The following SLMAP variants were observed in gnomAD, a reference collection of about 807,000 sequenced individuals.
SLMAP encodes the protein sarcolemma associated protein.
Under a neutral mutation model 128.8 loss-of-function variants are expected in SLMAP, and 44 were observed. That is an observed-to-expected ratio of 0.34 (90% CI 0.27 to 0.44). The LOEUF is 0.44. Among genes scored for constraint, SLMAP ranks in the 20% least tolerant of loss-of-function variants. SLMAP has a pLI of 1.00. For missense variants in SLMAP, 787 were observed against 985.3 expected (o/e 0.80, Z 2.69); for synonymous variants, 327 against 348.8 (o/e 0.94, Z 0.70).
chr3:57,906,112 C>T (rs538220979), intron 17 of SLMAP, among the ~76,000 whole-genome samples: 2 of 149,042 alleles, frequency 1.3e-5, no homozygotes, highest in East Asian at 2.0e-4. Context: ...AAACAGGGGC[C>T]AGGACCTTTG....
Position 57,912,660 on chromosome 3 carries a change from A to G in SLMAP, c.1979A>G (p.Gln660Arg), listed in dbSNP as rs758441504. 6.2e-7 allele frequency: 1 copy of G among 1,613,974 alleles called. No individual in the cohort carries two copies. The highest frequency in any genetic ancestry group is 1.3e-5 in the African/African-American group (1 of 75,064). The change falls in exon 20 of 25, where the codon CAG becomes CGG. Residue 660 changes from glutamine to arginine, a missense_variant. By Grantham distance (43) the Gln-to-Arg change is conservative (BLOSUM62 1). Coordinates refer to ENST00000671191, the MANE Select transcript of SLMAP (RefSeq NM_001377540.1). ...LQNSFQLRCQ[Q>R]CEDQQREEAT... ...AACAGTTTTCAGCTTAGATGTCAAC[A>G]GTGTGAGGACCAGCAGAGAGAAGAA...
chr3:57,924,413 G>C (rs1373071490), intron 23 of SLMAP, among the ~76,000 whole-genome samples: 1 of 151,020 alleles, frequency 6.6e-6, no homozygotes, highest in Non-Finnish European at 1.5e-5. Context: ...TTGTTGCCCA[G>C]GCTGGAGTGC....
chr3:57,776,133 C>T (rs931321141), intron 2 of SLMAP, among the ~76,000 whole-genome samples: 4 of 152,094 alleles, frequency 2.6e-5, no homozygotes, highest in African/African-American at 9.7e-5. Context: ...AGTTGTTATT[C>T]CACTCACTTA....
intron 17 of SLMAP, among the ~76,000 whole-genome samples, chr3:57,902,667 A>G (rs1169887899): frequency 6.6e-6 from 1 of 152,180 alleles, no homozygotes; most frequent in Non-Finnish European, 1.5e-5. Context: ...CTGAGACATT[A>G]AATATGGGAG....
At chr3:57,781,421 T>C (rs2083041777) in intron 2 of SLMAP, among the ~76,000 whole-genome samples, 1 of 152,140 alleles carries the variant, frequency 6.6e-6, no homozygotes, top group African/African-American at 2.4e-5. Context: ...TATGGGAGAT[T>C]TTCTAAGATA....
At chr3:57,803,673 T>A (rs1233858810) in intron 2 of SLMAP, among the ~76,000 whole-genome samples, 1 of 152,212 alleles carries the variant, frequency 6.6e-6, no homozygotes, top group East Asian at 1.9e-4. Flanking sequence ...CTCTCCACTC[T>A]CTTTTTGTCT....
chr3:57,873,884 G>A (rs1291186639), intron 14 of SLMAP, among the ~76,000 whole-genome samples: 1 of 152,148 alleles, frequency 6.6e-6, no homozygotes, highest in Non-Finnish European at 1.5e-5. Flanking sequence ...ACTTTGGAAG[G>A]CTGAGGCGGG....
intron 14 of SLMAP, among the ~76,000 whole-genome samples, chr3:57,882,196 A>T (rs1356109875): frequency 6.6e-6 from 1 of 152,220 alleles, no homozygotes; most frequent in East Asian, 1.9e-4. Context: ...TTAATTAAAC[A>T]TGTATGTACC....
intron 4 of SLMAP, among the ~76,000 whole-genome samples, chr3:57,846,103 G>A (rs191740673): frequency 2.0e-5 from 3 of 152,274 alleles, no homozygotes; most frequent in Admixed American, 6.5e-5. Context: ...GCCTCCCAAA[G>A]TCCTGGGATT....
intron 2 of SLMAP, among the ~76,000 whole-genome samples, chr3:57,773,318 T>G (rs1447554183): frequency 6.6e-6 from 1 of 152,244 alleles, no homozygotes; most frequent in Non-Finnish European, 1.5e-5. Context: ...GTGTCATCAA[T>G]AGGTTCTTGG....
intron 2 of SLMAP, chr3:57,801,587 A>C (rs1470803601): frequency 6.6e-6 from 1 of 151,470 alleles, no homozygotes; most frequent in Non-Finnish European, 1.5e-5. Context: ...ATATTCATGG[A>C]TAGGCTGTAA....
At chr3:57,918,041 G>A (rs913867375) in intron 22 of SLMAP, 2 of 152,036 alleles carry the variant, frequency 1.3e-5, no homozygotes, top group Admixed American at 1.3e-4. Context: ...TTGTTCTTCT[G>A]TCTTCATGTT....
chr3:57,857,764 A>G lies in SLMAP; in HGVS notation c.551A>G (p.Gln184Arg). The G allele has an allele frequency of 6.2e-7, 1 of 1,613,892 alleles. No homozygotes were observed. The highest frequency in any genetic ancestry group is 8.5e-7 in the Non-Finnish European group (1 of 1,179,742). The change falls in exon 7 of 25, where the codon CAG (glutamine) becomes CGG (arginine). Residue 184 changes from glutamine (Q) to arginine (R), a missense_variant. Transcript: ENST00000671191. The stretch of plus-strand genomic sequence containing the variant: ...TTACATCGGGAACAAATGTTGGAAC[A>G]GAAGTTAGCCACGCTTCAGCGGCTA... Reference protein sequence around the residue: ...EALHREQMLEQKLATLQRLLA... With the variant: ...EALHREQMLERKLATLQRLLA...
chr3:57,776,506 TTCTCTC>T (rs397932536), intron 2 of SLMAP, among the ~76,000 whole-genome samples: 4 of 129,016 alleles, frequency 3.1e-5, no homozygotes, highest in Non-Finnish European at 4.8e-5. Context: ...GATTTGTCCC[TTCTCTC>T]TCTCTCTCTC....
intron 19 of SLMAP, among the ~76,000 whole-genome samples, chr3:57,911,336 T>C (rs969690357): frequency 8.5e-5 from 13 of 152,246 alleles, no homozygotes; most frequent in African/African-American, 3.1e-4. Context: ...TGTTTACTTA[T>C]GTAGCAACCT....
At chr3:57,861,823 TC>T in intron 9 of SLMAP, 125 bp from the exon 10 acceptor site, 1 of 744,500 alleles carries the variant, frequency 1.3e-6, no homozygotes, top group Non-Finnish European at 2.2e-6. Flanking sequence ...TTATTTAAAG[TC>T]CAGGGCAGAT....
chr3:57,917,868 T>C (rs2096844246), intron 22 of SLMAP: 1 of 152,228 alleles, frequency 6.6e-6, no homozygotes, highest in African/African-American at 2.4e-5. Flanking sequence ...ACCCCAGTTG[T>C]AGACTTTCTT....
chr3:57,821,279 T>G (rs1481951949), intron 2 of SLMAP, among the ~76,000 whole-genome samples: 1 of 152,146 alleles, frequency 6.6e-6, no homozygotes, highest in Non-Finnish European at 1.5e-5. Context: ...AAAGAAAGAT[T>G]TATTGTACAG....
Position 57,917,374 on chromosome 3 carries a change from C to T in SLMAP, c.2310+297C>T, listed in dbSNP as rs140199900. 166 of 503,674 alleles carry T rather than the reference C, an allele frequency of 3.3e-4. 2 individuals carry two copies. The East Asian group carries it at 8.7e-3, about 26-fold the overall frequency. 31.2% of individuals were successfully genotyped at this position (503,674 alleles called of 1,614,324 possible). On this transcript the variant is annotated intron_variant, in intron 22 of 24. Transcript: ENST00000671191. ...CCAGGTCTCTTGATCTATTGTTTAACTTTCAAAGAGAGTATCGTATGTAAC... is the reference window on the plus strand; with the variant it reads ...CCAGGTCTCTTGATCTATTGTTTAATTTTCAAAGAGAGTATCGTATGTAAC...
Sources: gnomAD v4.1 joint callset for allele counts (sites outside exome capture counted in the v4.1 genomes callset) on GRCh38, gnomAD v4.1.1 for gene constraint, MANE v1.5 for transcripts, NCBI Gene and HGNC (gene_info 2026-07-23, HGNC 2026-07-21) for gene names.